Variants in CLSTN2 observed in about 807,000 individuals in gnomAD.
CLSTN2 encodes the protein calsyntenin-2.
CLSTN2 carries 48 observed loss-of-function variants against 101.2 expected under a neutral mutation model. That is an observed-to-expected ratio of 0.47 (90% confidence interval 0.38 to 0.60). The LOEUF (loss-of-function observed/expected upper bound fraction) is 0.60. Among genes scored for constraint, CLSTN2 ranks in the 20% least tolerant of loss-of-function variants. CLSTN2 has a pLI of 0.00. For synonymous variants in CLSTN2, 481 were observed against 463.6 expected (o/e 1.04, Z -0.48); for missense variants, 1,160 against 1,238.2 (o/e 0.94, Z 0.95).
chr3:140,454,947 G>A (rs560877793), intron 6 of CLSTN2, among the ~76,000 whole-genome samples: 3 of 151,150 alleles, frequency 2.0e-5, no homozygotes, highest in Admixed American at 1.3e-4. Flanking sequence ...CAGTCCATAC[G>A]GCACTTGTCA....
chr3:140,433,039 G>T (rs1036137967), intron 5 of CLSTN2, among the ~76,000 whole-genome samples: 3 of 152,202 alleles, frequency 2.0e-5, no homozygotes, highest in Admixed American at 6.5e-5. Context: ...AGCTCCATCT[G>T]TCTGCAGACA....
At position 140,293,457 on chromosome 3, in the gene CLSTN2, C is replaced by T. The variant is rs893140325; in HGVS notation, c.233-110172C>T. Among the ~76,000 whole-genome samples, 52 of 152,196 alleles carry T rather than the reference C, an allele frequency of 3.4e-4. 1 individual carries two copies. Among genetic ancestry groups the T allele is most frequent in the Non-Finnish European group, 1.0e-4 (7 of 68,042 alleles). The stretch of plus-strand genomic sequence containing the variant: ...GTCAGTGACAGGGGCCTGTCTTCCA[C>T]ATACATGTATCACAAAGCTTAACAT... On this transcript the variant is annotated intron_variant, in intron 2 of 16. Coordinates refer to ENST00000458420, the MANE Select transcript of CLSTN2 (RefSeq NM_022131.3).
At chr3:140,403,506 A>T in intron 2 of CLSTN2, 123 bp from the exon 3 acceptor site, 1 of 821,404 alleles carries the variant, frequency 1.2e-6, no homozygotes, top group Non-Finnish European at 2.0e-6. Flanking sequence ...CTCGTGGACC[A>T]CACTATGTGC....
At position 140,385,431 on chromosome 3, in the gene CLSTN2, C is replaced by G. The variant is rs111874742; in HGVS notation, c.233-18198C>G. Among the ~76,000 whole-genome samples the G allele has an allele frequency of 1.4e-3, 187 of 136,652 alleles. 1 individual carries two copies. The highest frequency in any genetic ancestry group is 4.9e-3 in the African/African-American group (174 of 35,480). The allele number at this position is 136,652 out of a possible 152,430, so 89.6% of individuals were successfully genotyped here. On this transcript the variant is annotated intron_variant, in intron 2 of 16. Transcript: ENST00000458420. The stretch of plus-strand genomic sequence containing the variant: ...TCGCCCAGGCTGGAGTGCAGTGGTG[C>G]GATCTCGACTCGCTGTAAACTCCTC...
chr3:140,355,110 T>C (rs898532629), intron 2 of CLSTN2, among the ~76,000 whole-genome samples: 20 of 152,306 alleles, frequency 1.3e-4, no homozygotes, highest in African/African-American at 4.6e-4. Context: ...AGATGAGCAG[T>C]TGTATAAGCC....
intron 4 of CLSTN2, among the ~76,000 whole-genome samples, chr3:140,417,960 A>T (rs1342508033): frequency 1.3e-5 from 2 of 152,208 alleles, no homozygotes; most frequent in African/African-American, 4.8e-5. Context: ...AAGACTTGTT[A>T]TGGAAGTAGA....
intron 1 of CLSTN2, among the ~76,000 whole-genome samples, chr3:140,124,808 G>A (rs1277643062): frequency 1.3e-5 from 2 of 152,206 alleles, no homozygotes; most frequent in Admixed American, 1.3e-4. Flanking sequence ...TAGAATATAT[G>A]TGAAGTTTTA....
intron 1 of CLSTN2, among the ~76,000 whole-genome samples, chr3:140,141,365 A>G (rs985170683): frequency 6.6e-6 from 1 of 152,220 alleles, no homozygotes; most frequent in Non-Finnish European, 1.5e-5. Flanking sequence ...TGCCATCAGC[A>G]GAAGTGGGTG....
Position 139,973,051 on chromosome 3 carries a change from G to A in CLSTN2, c.109+37568G>A, listed in dbSNP as rs369592373. Among the ~76,000 whole-genome samples, 12 of 152,350 alleles carry A rather than the reference G, an allele frequency of 7.9e-5. No homozygotes were observed. The East Asian group carries it at 2.1e-3, about 27-fold the overall frequency. On this transcript the variant is annotated intron_variant, in intron 1 of 16. Transcript: ENST00000458420. ...GATAATCAGGTTCTTGATCAGACTG[G>A]TGGGAAAGGAAACTGCTCCTTATTT...
chr3:139,970,973 A>G (rs1446359243), intron 1 of CLSTN2, among the ~76,000 whole-genome samples: 1 of 152,222 alleles, frequency 6.6e-6, no homozygotes, highest in Non-Finnish European at 1.5e-5. Context: ...AAACTGGGGT[A>G]GGCAACATTG....
chr3:139,991,575 A>C (rs1033657339), intron 1 of CLSTN2, among the ~76,000 whole-genome samples: 1 of 152,232 alleles, frequency 6.6e-6, no homozygotes, highest in Non-Finnish European at 1.5e-5. Context: ...TAAAGGCCAG[A>C]GTTTCAATAG....
chr3:140,193,261 GTTTT>G (rs367933711), intron 2 of CLSTN2, among the ~76,000 whole-genome samples: 1 of 87,444 alleles, frequency 1.1e-5, no homozygotes, highest in Non-Finnish European at 2.3e-5. Context: ...CTTTTTTATA[GTTTT>G]TTTTTTTTTT....
At chr3:140,332,377 A>G (rs2087392196) in intron 2 of CLSTN2, among the ~76,000 whole-genome samples, 1 of 152,258 alleles carries the variant, frequency 6.6e-6, no homozygotes. Flanking sequence ...GGAAAAGCCT[A>G]TTAAGATGCT....
At chr3:140,162,681 A>G (rs2010067592) in intron 1 of CLSTN2, among the ~76,000 whole-genome samples, 1 of 152,134 alleles carries the variant, frequency 6.6e-6, no homozygotes, top group Non-Finnish European at 1.5e-5. Flanking sequence ...GTATCTTTTC[A>G]GGAAGGAGTC....
chr3:140,431,981 G>A (rs1381916267), intron 5 of CLSTN2, among the ~76,000 whole-genome samples: 1 of 152,168 alleles, frequency 6.6e-6, no homozygotes, highest in Non-Finnish European at 1.5e-5. Flanking sequence ...ATTAAATTGG[G>A]AAAATAGACA....
chr3:140,411,794 T>C (rs1022336605), intron 4 of CLSTN2, among the ~76,000 whole-genome samples: 3 of 152,212 alleles, frequency 2.0e-5, no homozygotes, highest in Non-Finnish European at 2.9e-5. Context: ...CGAGGCAGCC[T>C]TGCCATTAGA....
rs9816691 is a variant in CLSTN2, at chr3:140,480,427, G to A, written c.1344+13696G>A. Reference sequence around the variant, plus strand: ...ACATACATGTGCATGTGTCTTTATAGCAGCATGATTTATAATCCTTTGGGT... The same window carrying A: ...ACATACATGTGCATGTGTCTTTATAACAGCATGATTTATAATCCTTTGGGT... On this transcript the variant is annotated intron_variant, in intron 8 of 16. Coordinates refer to ENST00000458420, the MANE Select transcript of CLSTN2 (RefSeq NM_022131.3). 5.8e-3 allele frequency among the ~76,000 whole-genome samples: 881 copies of A among 152,240 alleles called. 13 individuals are homozygous for A. The highest frequency in any genetic ancestry group is 0.02 in the African/African-American group (838 of 41,546).
intron 1 of CLSTN2, among the ~76,000 whole-genome samples, chr3:140,135,117 C>CACATAT (rs1488268767): frequency 3.6e-4 from 21 of 58,092 alleles, no homozygotes; most frequent in African/African-American, 1.1e-3. Context: ...CACACACACA[C>CACATAT]ATATATATAT....
chr3:140,448,666 G>T lies in CLSTN2; in HGVS notation c.935G>T (p.Arg312Leu). ...AATTACATTGGGAAGGGTTGTGACC[G>T]GGAGACCTACTCTGAGAAATCCCTT... ...QTNYIGKGCD[R>L]ETYSEKSLQK... Residue 312 changes from arginine to leucine, a missense_variant, in exon 6 of 17, where the codon CGG becomes CTG. By Grantham distance (102) the Arg-to-Leu change is moderately radical. Transcript: ENST00000458420. 6.2e-7 allele frequency: 1 copy of T among 1,613,828 alleles called. No individual in the cohort carries two copies. Among genetic ancestry groups the T allele is most frequent in the Non-Finnish European group, 8.5e-7 (1 of 1,179,784 alleles).
Sources: allele counts gnomAD v4.1 joint callset (sites outside exome capture counted in the v4.1 genomes callset), GRCh38; gene constraint gnomAD v4.1.1; transcripts MANE v1.5; gene names NCBI Gene and HGNC (gene_info 2026-07-23, HGNC 2026-07-21).